Variants in PRELID2 observed in about 807,000 individuals in gnomAD.
The protein encoded by PRELID2 is PRELI domain-containing protein 2.
Under a neutral mutation model 28.4 loss-of-function variants are expected in PRELID2, and 25 were observed. The ratio of observed to expected loss-of-function variants is 0.88; its 90% CI spans 0.64 to 1.23. PRELID2 has a LOEUF of 1.23. PRELID2 is among the 50% of genes most tolerant of loss of function. PRELID2 has a pLI of 0.00. For synonymous variants in PRELID2, 76 were observed against 71.6 expected, an observed-to-expected ratio of 1.06 and a Z score of -0.31; for missense variants, 201 against 214.4, an observed-to-expected ratio of 0.94 and a Z score of 0.39.
chr5:145,834,895 C>T (rs1386638885), intron 1 of PRELID2: 1 of 371,796 alleles, frequency 2.7e-6, no homozygotes, highest in Non-Finnish European at 4.9e-6. Context: ...ATCTGCAACT[C>T]CACGGAGCTC....
intron 1 of PRELID2, among the ~76,000 whole-genome samples, chr5:145,650,181 C>T (rs534745568): frequency 2.6e-5 from 4 of 151,986 alleles, no homozygotes; most frequent in Admixed American, 1.3e-4. Context: ...TCTTCCCTAG[C>T]GTTGCCCTGA....
At chr5:145,683,630 C>T (rs1261131554) in intron 1 of PRELID2, among the ~76,000 whole-genome samples, 1 of 152,150 alleles carries the variant, frequency 6.6e-6, no homozygotes, top group Admixed American at 6.5e-5. Context: ...GCACACTAGT[C>T]ACATTGGATT....
chr5:145,408,329 C>T, the PRELID2 span, among the ~76,000 whole-genome samples: 50 of 150,146 alleles, frequency 3.3e-4, no homozygotes, highest in Non-Finnish European at 6.1e-4. Context: ...GTAAATAATT[C>T]AGAAGGTTGA....
chr5:145,723,254 AAAGT>A (rs1756041126), intron 1 of PRELID2, among the ~76,000 whole-genome samples: 1 of 152,198 alleles, frequency 6.6e-6, no homozygotes, highest in African/African-American at 2.4e-5. Flanking sequence ...TCATGAATAT[AAAGT>A]AAGCACACAA....
the PRELID2 span, among the ~76,000 whole-genome samples, chr5:145,295,213 G>A: frequency 6.6e-6 from 1 of 151,934 alleles, no homozygotes; most frequent in Non-Finnish European, 1.5e-5. Flanking sequence ...TGCATGCATA[G>A]CCCTGCAAAA....
At chr5:145,620,326 T>C (rs1436962778) in intron 1 of PRELID2, among the ~76,000 whole-genome samples, 1 of 152,146 alleles carries the variant, frequency 6.6e-6, no homozygotes, top group Admixed American at 6.5e-5. Context: ...GGTAAATACA[T>C]ATCAGTATAC....
At chr5:145,728,435 A>G in intron 1 of PRELID2, 1 of 573,902 alleles carries the variant, frequency 1.7e-6, no homozygotes, top group East Asian at 3.1e-5. Flanking sequence ...AAGAGACAAA[A>G]CAGGGACCCC....
At chr5:145,477,339 A>G (rs904069814) in intron 1 of PRELID2, among the ~76,000 whole-genome samples, 10 of 152,184 alleles carry the variant, frequency 6.6e-5, no homozygotes, top group African/African-American at 2.2e-4. Flanking sequence ...CCTCATAGAG[A>G]CAAGATGGCG....
intron 1 of PRELID2, among the ~76,000 whole-genome samples, chr5:145,600,424 A>G (rs899722017): frequency 1.7e-5 from 2 of 121,154 alleles, no homozygotes; most frequent in African/African-American, 8.4e-5. Flanking sequence ...GGGGGGGAAA[A>G]AAAAAAAAAA....
At chr5:145,685,242 C>T (rs1755012630) in intron 1 of PRELID2, among the ~76,000 whole-genome samples, 1 of 152,144 alleles carries the variant, frequency 6.6e-6, no homozygotes, top group South Asian at 2.1e-4. Context: ...AGTAGCTTCC[C>T]ATGGCCTCAA....
chr5:145,714,430 AG>A (rs1554085536), intron 1 of PRELID2, among the ~76,000 whole-genome samples: 1 of 152,088 alleles, frequency 6.6e-6, no homozygotes, highest in Non-Finnish European at 1.5e-5. Context: ...TCTTCCCTCC[AG>A]GTCAATAAAC....
In PRELID2 at chr5:145,756,711, T is replaced by C. The variant is rs1005457434; in HGVS notation, c.*3825A>G. 6.6e-6 allele frequency among the ~76,000 whole-genome samples: 1 copy of C among 152,224 alleles called. No individual in the cohort carries two copies. Among genetic ancestry groups the C allele is most frequent in the Admixed American group, 6.5e-5 (1 of 15,276 alleles). On this transcript the variant is annotated 3_prime_UTR_variant, in exon 7 of 7. Coordinates refer to ENST00000683046, the MANE Select transcript of PRELID2 (RefSeq NM_205846.3). ...AAGTCAATGTAGCAAAGTACATTCA[T>C]TTTTATTGCTAGAACAGCCTCTCAA...
chr5:145,692,613 A>T lies in PRELID2; in HGVS notation n.70+72318T>A, dbSNP rs182166581. On this transcript the variant is annotated intron_variant and non_coding_transcript_variant, in intron 1 of 2. Transcript: ENST00000510259. ...AAACACTTTTTATACTACAAAAAAA[A>T]TCAAAGTAAATGCCTGTCAGGTCGA... Among the ~76,000 whole-genome samples the T allele has an allele frequency of 5.3e-5, 8 of 152,356 alleles. No individual in the cohort carries two copies. In the East Asian group the frequency reaches 1.3e-3, roughly 26 times the overall value.
the PRELID2 span, chr5:145,229,093 C>G: frequency 2.7e-6 from 4 of 1,504,174 alleles, no homozygotes; most frequent in Non-Finnish European, 2.8e-6. Context: ...ACTTCTCTCA[C>G]CAGGCCCTGC....
chr5:145,616,205 T>C (rs73311556), intron 1 of PRELID2, among the ~76,000 whole-genome samples: 5,338 of 152,304 alleles, frequency 0.035, 281 homozygotes, highest in African/African-American at 0.12. Flanking sequence ...CATAACCTGA[T>C]GACAATGTGC....
At chr5:145,526,373 G>A (rs1752605330) in intron 1 of PRELID2, among the ~76,000 whole-genome samples, 2 of 152,116 alleles carry the variant, frequency 1.3e-5, no homozygotes, top group Admixed American at 1.3e-4. Flanking sequence ...AGGGCAATTA[G>A]GGAGGTCTTT....
At chr5:145,511,283 G>A (rs1409757844) in intron 1 of PRELID2, among the ~76,000 whole-genome samples, 1 of 152,186 alleles carries the variant, frequency 6.6e-6, no homozygotes, top group Non-Finnish European at 1.5e-5. Context: ...GAGTTCAAAT[G>A]TTTTAATTAA....
downstream of PRELID2, among the ~76,000 whole-genome samples, chr5:145,466,897 C>T (rs1326534132): frequency 6.6e-6 from 1 of 152,072 alleles, no homozygotes; most frequent in Non-Finnish European, 1.5e-5. Flanking sequence ...TACCACCCAC[C>T]CTGAATTCAC....
intron 1 of PRELID2, among the ~76,000 whole-genome samples, chr5:145,590,800 T>G (rs1175427682): frequency 6.6e-6 from 1 of 152,120 alleles, no homozygotes; most frequent in Non-Finnish European, 1.5e-5. Flanking sequence ...CGAGGAAAAC[T>G]CTGGCCCCCA....
Sources: allele counts gnomAD v4.1 joint callset (sites outside exome capture counted in the v4.1 genomes callset), GRCh38; gene constraint gnomAD v4.1.1; transcripts MANE v1.5; gene names NCBI Gene and HGNC (gene_info 2026-07-23, HGNC 2026-07-21).